STAG2: variants seen among roughly 807,000 people sequenced by gnomAD.
STAG2 encodes the protein cohesin subunit SA-2.
Under a neutral mutation model 108.1 loss-of-function variants are expected in STAG2, and 14 were observed. That is an observed-to-expected ratio of 0.13 (90% CI 0.09 to 0.20). The LOEUF (loss-of-function observed/expected upper bound fraction) is 0.20, where lower values mean the gene tolerates loss of function less well. STAG2 is among the 10% of genes least tolerant of loss of function. The pLI is 1.00. For missense variants in STAG2, 440 were observed against 940.9 expected, an observed-to-expected ratio of 0.47 and a Z score of 6.96; for synonymous variants, 307 against 302.7, an observed-to-expected ratio of 1.01 and a Z score of -0.15.
chrX:123,986,617 A>G (rs2055200758), intron 1 of STAG2, among the ~76,000 whole-genome samples: 1 of 111,603 alleles, frequency 9.0e-6, no homozygotes, highest in Non-Finnish European at 1.9e-5. Flanking sequence ...AATATCATCT[A>G]CCTTGAACTA....
At chrX:123,969,791 G>A (rs755254505) in intron 1 of STAG2, among the ~76,000 whole-genome samples, 6 of 108,677 alleles carry the variant, frequency 5.5e-5, no homozygotes, top group African/African-American at 1.0e-4. Flanking sequence ...GACTACAGGC[G>A]CGTACCACCA....
intron 15 of STAG2, among the ~76,000 whole-genome samples, chrX:124,059,453 G>A (rs1483769110): frequency 9.0e-6 from 1 of 111,699 alleles, no homozygotes; most frequent in Non-Finnish European, 1.9e-5. Flanking sequence ...TCTTTTCTTT[G>A]CTGAAAGTTT....
intron 1 of STAG2, among the ~76,000 whole-genome samples, chrX:124,007,599 G>A (rs2056352509): frequency 1.8e-5 from 2 of 111,892 alleles, no homozygotes; most frequent in Admixed American, 9.5e-5. Context: ...GTCTTCCACA[G>A]ATTCCTGTCT....
At chrX:124,061,417 CT>C in intron 16 of STAG2, 76 bp downstream of exon 16, 1 of 735,561 alleles carries the variant, frequency 1.4e-6, no homozygotes. Context: ...TTTATTTGTC[CT>C]TTTAGTTTTA....
rs2058028382 is a variant in STAG2, at chrX:124,051,141, A to G, written c.1038A>G (p.Lys346=). Residue 346 remains lysine, a synonymous_variant, in exon 12 of 35, where the codon AAA becomes AAG. Coordinates refer to ENST00000371145, the MANE Select transcript of STAG2 (RefSeq NM_001042750.2). ...MHDKQGEVRL[K]CLTALQGLYY... is the part of the protein sequence containing the mutation. ...TTTAGCAAGGTGAAGTAAGACTCAA[A>G]TGTCTTACTGCTCTACAAGGGCTTT... is the stretch of plus-strand genomic sequence containing the variant. 1.8e-6 allele frequency: 2 copies of G among 1,100,688 alleles called. No homozygotes were observed. 90.7% of individuals were successfully genotyped at this position (1,100,688 alleles called of 1,213,427 possible). A position where few individuals can be genotyped will look rare whatever the true frequency, so the allele number is the denominator to read the frequency against.
intron 1 of STAG2, among the ~76,000 whole-genome samples, chrX:123,993,090 C>T (rs753761333): frequency 2.7e-5 from 3 of 111,186 alleles, no homozygotes; most frequent in East Asian, 5.6e-4. Flanking sequence ...TTTTCTTAAA[C>T]GATACATTTT....
chrX:124,026,031 G>A (rs2057084184), intron 4 of STAG2, 113 bp downstream of exon 4: 1 of 466,963 alleles, frequency 2.1e-6, no homozygotes, highest in Non-Finnish European at 3.5e-6. Flanking sequence ...AAGGGGGTGG[G>A]AGCTGATTGG....
intron 1 of STAG2, among the ~76,000 whole-genome samples, chrX:123,973,980 C>A (rs372529314): frequency 9.0e-6 from 1 of 110,931 alleles, no homozygotes; most frequent in Non-Finnish European, 1.9e-5. Context: ...ATTAAAATAC[C>A]GTGTATTGGG....
intron 25 of STAG2, 127 bp from the exon 26 acceptor site, chrX:124,076,202 TATA>T: frequency 1.5e-6 from 1 of 647,062 alleles, no homozygotes; most frequent in Non-Finnish European, 2.3e-6. Flanking sequence ...TATGAATGGT[TATA>T]ATTTTAATTT....
intron 6 of STAG2, among the ~76,000 whole-genome samples, chrX:124,038,333 T>C (rs1395691343): frequency 9.1e-6 from 1 of 109,911 alleles, no homozygotes; most frequent in Non-Finnish European, 1.9e-5. Flanking sequence ...ATGTATCTGG[T>C]GTCTCCCAAT....
rs1393574801 is a variant in STAG2, at chrX:124,001,045, A to T, written c.-162-20322A>T. 2.7e-5 allele frequency among the ~76,000 whole-genome samples: 3 copies of T among 112,378 alleles called. No homozygotes were observed. The South Asian group carries it at 1.1e-3, about 41-fold the overall frequency. On this transcript the variant is annotated intron_variant, in intron 1 of 34. Coordinates refer to ENST00000371145, the MANE Select transcript of STAG2 (RefSeq NM_001042750.2). ...AGTCAGTGTAAAAGTTTATAAAACA[A>T]AAAAGTTACAGTAAATGAAGTTTAA...
At position 124,015,388 on chromosome X, in the gene STAG2, C is replaced by CT. The variant is rs1180758338; in HGVS notation, c.-162-5965dup. Among the ~76,000 whole-genome samples the CT allele has an allele frequency of 2.5e-3, 235 of 93,429 alleles. 3 individuals are homozygous for CT. The highest frequency in any genetic ancestry group is 0.018 in the South Asian group (38 of 2,064). The allele number at this position is 93,429 out of a possible 115,157, so 81.1% of individuals were successfully genotyped here. ...AATATCTTTTAGGTAAGAAGAATTT[C>CT]TTTTTTTTTTTTTTGAGATGGCATC... On this transcript the variant is annotated intron_variant, in intron 1 of 34. Transcript: ENST00000371145.
chrX:124,100,497 A>T, intron 34 of STAG2, 77 bp from the exon 35 acceptor site: 1 of 849,127 alleles, frequency 1.2e-6, no homozygotes, highest in Non-Finnish European at 1.7e-6. Context: ...ATAAAGTATT[A>T]ATGTAATATT....
At chrX:124,017,278 C>T (rs374374497) in intron 1 of STAG2, among the ~76,000 whole-genome samples, 10 of 109,246 alleles carry the variant, frequency 9.2e-5, no homozygotes, top group South Asian at 4.0e-4. Flanking sequence ...GGTGTGTTCT[C>T]GGCTCACTGC....
chrX:124,073,778 T>C (rs1025201026), intron 25 of STAG2, among the ~76,000 whole-genome samples: 1 of 111,750 alleles, frequency 8.9e-6, no homozygotes, highest in Non-Finnish European at 1.9e-5. Context: ...GTATAAAATA[T>C]AACAGATTTT....
chrX:124,047,318 G>T (rs1217311888), intron 8 of STAG2, 36 bp from the exon 9 acceptor site: 1 of 1,117,197 alleles, frequency 9.0e-7, no homozygotes, highest in Non-Finnish European at 1.2e-6. Flanking sequence ...GTGTCTGTTA[G>T]ATTAGTTTCA....
intron 1 of STAG2, among the ~76,000 whole-genome samples, chrX:123,967,256 A>ATTTTTTTTT (rs1177101640): frequency 2.0e-5 from 1 of 50,224 alleles, no homozygotes; most frequent in Non-Finnish European, 3.5e-5. Flanking sequence ...TCAATGGTGT[A>ATTTTTTTTT]TTTTTTTTTT....
At chrX:124,028,985 T>TTATATTTATATATATATA (rs2057224407) in intron 4 of STAG2, among the ~76,000 whole-genome samples, 1 of 64,025 alleles carries the variant, frequency 1.6e-5, no homozygotes, top group African/African-American at 6.8e-5. Context: ...TTATTTTTAT[T>TTATATTTATATATATATA]TATATATATA....
chrX:124,061,935 T>A (rs2058392227), intron 17 of STAG2, 61 bp downstream of exon 17: 4 of 898,012 alleles, frequency 4.5e-6, no homozygotes, highest in Non-Finnish European at 6.2e-6. Flanking sequence ...CAGTATCTTT[T>A]TAAAAATTCC....
Sources: gnomAD v4.1 joint callset for allele counts (sites outside exome capture counted in the v4.1 genomes callset) on GRCh38, gnomAD v4.1.1 for gene constraint, MANE v1.5 for transcripts, NCBI Gene and HGNC (gene_info 2026-07-23, HGNC 2026-07-21) for gene names.